FAM120B: variants seen among roughly 807,000 people sequenced by gnomAD.
FAM120B encodes the protein constitutive coactivator of peroxisome proliferator-activated receptor gamma.
Under a neutral mutation model 96.3 loss-of-function variants are expected in FAM120B, and 83 were observed. The observed-to-expected ratio is 0.86, with a 90% CI of 0.72 to 1.03. FAM120B has a LOEUF of 1.03. FAM120B is among the 50% of genes least tolerant of loss of function. The pLI, the probability that FAM120B is intolerant of heterozygous loss-of-function variation, is 0.00. For missense variants in FAM120B, 1,027 were observed against 1,121.2 expected, an observed-to-expected ratio of 0.92 and a Z score of 1.20; for synonymous variants, 407 against 402.7, an observed-to-expected ratio of 1.01 and a Z score of -0.13.
chr6:170,348,046 C>A, intron 4 of FAM120B, 105 bp from the exon 5 acceptor site: 1 of 938,056 alleles, frequency 1.1e-6, no homozygotes, highest in Non-Finnish European at 1.6e-6. Context: ...CCTTTTACAT[C>A]AGGAAGGGAA....
chr6:170,313,953 T>C (rs910426), intron 1 of FAM120B, among the ~76,000 whole-genome samples: 143,542 of 152,324 alleles, frequency 0.94, 67,724 homozygotes, highest in East Asian at 1. Context: ...TGACGCCAGA[T>C]GAGTCTTCCT....
At position 170,318,599 on chromosome 6, in the gene FAM120B, G is replaced by A. The variant is rs148592361; in HGVS notation, c.1209G>A (p.Met403Ile). Residue 403 changes from methionine (M) to isoleucine (I), a missense_variant, in exon 2 of 11, where the codon ATG becomes ATA. Met to Ile is a conservative substitution (Grantham distance 10). Transcript: ENST00000476287. The stretch of plus-strand genomic sequence containing the variant: ...CTGAATCCAGGCGAGAAGTTCCCAT[G>A]TGTTCAGACCCTGAACCCAGGCAAG... The part of the protein sequence containing the change: ...TGPESRREVP[M>I]CSDPEPRQEV... The A allele has an allele frequency of 6.4e-5, 101 of 1,574,768 alleles. No homozygotes were observed. The highest frequency in any genetic ancestry group is 1.7e-4 in the Admixed American group (10 of 57,406).
At chr6:170,329,639 G>C (rs577595572) in intron 3 of FAM120B, among the ~76,000 whole-genome samples, 2 of 151,240 alleles carry the variant, frequency 1.3e-5, no homozygotes, top group South Asian at 4.2e-4. Context: ...TCTTTATCCT[G>C]TGATTAGCGA....
At chr6:170,327,052 A>G (rs923319702) in intron 3 of FAM120B, among the ~76,000 whole-genome samples, 3 of 143,922 alleles carry the variant, frequency 2.1e-5, no homozygotes, top group South Asian at 2.2e-4. Flanking sequence ...CCAAAACTTG[A>G]ATTTTTTTTT....
intron 6 of FAM120B, among the ~76,000 whole-genome samples, chr6:170,361,135 T>C (rs1788330169): frequency 6.7e-6 from 1 of 148,176 alleles, no homozygotes; most frequent in Non-Finnish European, 1.5e-5. Flanking sequence ...AACACCCTAT[T>C]AGTTCTTTGC....
chr6:170,350,131 G>A (rs568509889), intron 5 of FAM120B, among the ~76,000 whole-genome samples: 31 of 152,272 alleles, frequency 2.0e-4, no homozygotes, highest in African/African-American at 6.3e-4. Context: ...TACATACTCC[G>A]GCTCTGGGAT....
chr6:170,393,502 A>T (rs546176699), intron 8 of FAM120B, among the ~76,000 whole-genome samples: 2 of 152,238 alleles, frequency 1.3e-5, no homozygotes, highest in African/African-American at 4.8e-5. Context: ...ATATTATTCC[A>T]AGTTAATGAG....
In FAM120B at chr6:170,361,510, C is replaced by T. The variant is rs73036661; in HGVS notation, c.2283+3192C>T. Among the ~76,000 whole-genome samples the T allele has an allele frequency of 3.2e-3, 484 of 152,078 alleles. 3 individuals are homozygous for T. The highest frequency in any genetic ancestry group is 5.5e-3 in the Non-Finnish European group (376 of 67,990). On this transcript the variant is annotated intron_variant, in intron 6 of 10. Coordinates refer to ENST00000476287, the MANE Select transcript of FAM120B (RefSeq NM_032448.3). ...GGACAAAGGATAGTTGTGCACGTGA[C>T]GGGAGGCTGCTGTTTTCTGGATACC... is the stretch of plus-strand genomic sequence containing the variant.
intron 4 of FAM120B, among the ~76,000 whole-genome samples, chr6:170,333,675 T>G (rs1019621335): frequency 6.6e-6 from 1 of 152,062 alleles, no homozygotes; most frequent in Non-Finnish European, 1.5e-5. Flanking sequence ...TAGTAGAGTC[T>G]GGGTTTCGCC....
rs78921143 is a variant in FAM120B at position 170,376,895 on chromosome 6, G to A, written c.2284-11392G>A. On this transcript the variant is annotated intron_variant, in intron 6 of 10. Transcript: ENST00000476287. Reference sequence around the variant, plus strand: ...CCTGTTTCCGTGTAGAGCAAGCGGGGAATGCCACTTTGTGCTTTGCACACG... The same window carrying A: ...CCTGTTTCCGTGTAGAGCAAGCGGGAAATGCCACTTTGTGCTTTGCACACG... Among the ~76,000 whole-genome samples the A allele has an allele frequency of 9.7e-4, 148 of 152,136 alleles. 5 individuals carry two copies. Among genetic ancestry groups the A allele is most frequent in the African/African-American group, 3.3e-3 (138 of 41,488 alleles).
chr6:170,360,893 A>C (rs1788314189), intron 6 of FAM120B, among the ~76,000 whole-genome samples: 1 of 152,066 alleles, frequency 6.6e-6, no homozygotes, highest in African/African-American at 2.4e-5. Flanking sequence ...CTCCTGTGAA[A>C]GGTGGAGATG....
At chr6:170,396,879 C>G (rs763082422) in intron 9 of FAM120B, among the ~76,000 whole-genome samples, 21 of 152,238 alleles carry the variant, frequency 1.4e-4, no homozygotes, top group Admixed American at 2.6e-4. Flanking sequence ...TGTAAACTTA[C>G]GTAGACTCAG....
At chr6:170,395,027 C>G (rs114646708) in intron 8 of FAM120B, among the ~76,000 whole-genome samples, 2,711 of 152,290 alleles carry the variant, frequency 0.018, 94 homozygotes, top group African/African-American at 0.062. Flanking sequence ...GTGTCATGGA[C>G]TGGGAAGTTA....
intron 6 of FAM120B, among the ~76,000 whole-genome samples, chr6:170,359,359 C>T (rs996957676): frequency 6.6e-6 from 1 of 151,016 alleles, no homozygotes; most frequent in African/African-American, 2.4e-5. Flanking sequence ...TGCCATTGCA[C>T]TCCAACCTGG....
At chr6:170,339,859 C>A (rs1174320086) in intron 4 of FAM120B, among the ~76,000 whole-genome samples, 1 of 151,746 alleles carries the variant, frequency 6.6e-6, no homozygotes, top group East Asian at 1.9e-4. Flanking sequence ...GAGAGATCTG[C>A]TGTTAGTCTG....
chr6:170,339,056 A>T (rs1786639593), intron 4 of FAM120B, among the ~76,000 whole-genome samples: 10 of 152,094 alleles, frequency 6.6e-5, no homozygotes, highest in Admixed American at 6.5e-4. Context: ...TGTCATCATG[A>T]TGCTAGCTGG....
Position 170,340,428 on chromosome 6 carries a change from G to A in FAM120B, c.2018-7723G>A, listed in dbSNP as rs146006246. Among the ~76,000 whole-genome samples the A allele has an allele frequency of 1.8e-4, 28 of 152,260 alleles. No individual in the cohort carries two copies. In the East Asian group the frequency reaches 4.1e-3, roughly 22 times the overall value. ...AAGGTTCTTAGCTTCCTTGCATTGGGTTAGAACATGCTCCTTTAGCTCAGA... is the reference window on the plus strand; with the variant it reads ...AAGGTTCTTAGCTTCCTTGCATTGGATTAGAACATGCTCCTTTAGCTCAGA... On this transcript the variant is annotated intron_variant, in intron 4 of 10. Coordinates refer to ENST00000476287, the MANE Select transcript of FAM120B (RefSeq NM_032448.3).
chr6:170,353,379 A>T (rs1787701669), intron 5 of FAM120B, among the ~76,000 whole-genome samples: 1 of 152,168 alleles, frequency 6.6e-6, no homozygotes, highest in South Asian at 2.1e-4. Flanking sequence ...AAAAGGAAGG[A>T]CTCCTTTCTA....
At position 170,307,623 on chromosome 6, in the gene FAM120B, T is replaced by C. The variant is rs181820393; in HGVS notation, c.-22+781T>C. Among the ~76,000 whole-genome samples, 139 of 152,170 alleles carry C rather than the reference T, an allele frequency of 9.1e-4. 2 individuals are homozygous for C. The highest frequency in any genetic ancestry group is 1.8e-3 in the Admixed American group (28 of 15,266). On this transcript the variant is annotated intron_variant, in intron 1 of 10. Transcript: ENST00000476287. The stretch of plus-strand genomic sequence containing the variant: ...TTGACATATTTGGGGAACTAGGAGT[T>C]GAGCATTTGTGAGACAAGAAATGTT...
Sources: allele counts gnomAD v4.1 joint callset (sites outside exome capture counted in the v4.1 genomes callset), GRCh38; gene constraint gnomAD v4.1.1; transcripts MANE v1.5; gene names NCBI Gene and HGNC (gene_info 2026-07-23, HGNC 2026-07-21).